Variants in SLC2A12 observed in about 807,000 individuals in gnomAD.
SLC2A12 encodes the protein solute carrier family 2 member 12, also known as solute carrier family 2, facilitated glucose transporter member 12.
In SLC2A12, 23 loss-of-function variants were observed where a neutral mutation model predicts 41.8. That is an observed-to-expected ratio of 0.55 (90% confidence interval 0.40 to 0.78). The LOEUF (loss-of-function observed/expected upper bound fraction) is 0.78. Ranked by LOEUF, SLC2A12 falls within the 30% of genes least tolerant of loss-of-function variation. The probability of loss-of-function intolerance (pLI) is 0.00; values close to 1 mark genes in which losing one functional copy is unlikely to be tolerated. For synonymous variants in SLC2A12, 295 were observed against 285.9 expected (o/e 1.03, Z -0.32); for missense variants, 654 against 745.6 (o/e 0.88, Z 1.43).
At chr6:134,040,723 A>G (rs1206826567) in intron 1 of SLC2A12, among the ~76,000 whole-genome samples, 2 of 152,242 alleles carry the variant, frequency 1.3e-5, no homozygotes, top group African/African-American at 4.8e-5. Context: ...ATCAGGAGGA[A>G]AACTTTCAAG....
intron 1 of SLC2A12, among the ~76,000 whole-genome samples, chr6:134,044,327 T>C (rs1395123408): frequency 2.0e-5 from 3 of 152,224 alleles, no homozygotes; most frequent in Non-Finnish European, 4.4e-5. Context: ...TGGCATCATA[T>C]CTGATTCCTA....
At chr6:134,013,635 G>A (rs1263847544) in intron 2 of SLC2A12, among the ~76,000 whole-genome samples, 2 of 151,958 alleles carry the variant, frequency 1.3e-5, no homozygotes, top group Non-Finnish European at 2.9e-5. Context: ...AATATGGGGA[G>A]TTGAAAAAAT....
chr6:134,031,740 A>C (rs1003640540), intron 1 of SLC2A12, among the ~76,000 whole-genome samples: 1 of 152,236 alleles, frequency 6.6e-6, no homozygotes, highest in Non-Finnish European at 1.5e-5. Context: ...TCTGTAAGAC[A>C]TTCAGGTAAA....
intron 2 of SLC2A12, among the ~76,000 whole-genome samples, chr6:134,009,560 C>G (rs1165450800): frequency 6.6e-6 from 1 of 152,072 alleles, no homozygotes; most frequent in East Asian, 1.9e-4. Context: ...GAATATTGAG[C>G]CTGTAATCCC....
At position 134,044,381 on chromosome 6, in the gene SLC2A12, C is replaced by T. The variant is rs374947433; in HGVS notation, c.103+7997G>A. The stretch of plus-strand genomic sequence containing the variant: ...CTGAATGGTTATCTTGCAGTTAGTT[C>T]GATTTTTATTTTTTTGATAAGTTGG... On this transcript the variant is annotated intron_variant, in intron 1 of 4. Coordinates refer to ENST00000275230, the MANE Select transcript of SLC2A12 (RefSeq NM_145176.3). 9.9e-5 allele frequency among the ~76,000 whole-genome samples: 15 copies of T among 152,156 alleles called. No individual in the cohort carries two copies. In the South Asian group the frequency reaches 1.5e-3, roughly 15 times the overall value.
chr6:134,006,857 A>C lies in SLC2A12; in HGVS notation c.1522T>G (p.Trp508Gly), dbSNP rs1776822491. ...AGCGAGATGAGGAGATTGATGCCCCAGTTCATGCTAGAAGTTAAAGCCATG... is the reference window on the plus strand; with the variant it reads ...AGCGAGATGAGGAGATTGATGCCCCCGTTCATGCTAGAAGTTAAAGCCATG... ...RAMALTSSMN[W>G]GINLLISLTF... The change falls in exon 3 of 5, where the codon TGG (tryptophan) becomes GGG (glycine). Residue 508 changes from tryptophan (W) to glycine (G), a missense_variant. Around this residue, in one of 3 missense-constraint regions of SLC2A12, gnomAD observed 134 missense variants for 180.5 expected, o/e 0.74. Coordinates refer to ENST00000275230, the MANE Select transcript of SLC2A12 (RefSeq NM_145176.3). The C allele has an allele frequency of 6.2e-7, 1 of 1,614,090 alleles. No homozygotes were observed. The highest frequency in any genetic ancestry group is 8.5e-7 in the Non-Finnish European group (1 of 1,180,034).
chr6:134,052,063 T>G lies in SLC2A12; in HGVS notation c.103+315A>C, dbSNP rs543982892. 2.6e-5 allele frequency among the ~76,000 whole-genome samples: 4 copies of G among 152,256 alleles called. No homozygotes were observed. The East Asian group carries it at 7.7e-4, about 29-fold the overall frequency. ...ATATGAAAAACATCCATACATTGTA[T>G]TATGTAAACACAATCAAGGGGACCC... On this transcript the variant is annotated intron_variant, in intron 1 of 4. Transcript: ENST00000275230.
intron 1 of SLC2A12, among the ~76,000 whole-genome samples, chr6:134,050,201 A>G (rs1435364076): frequency 6.6e-6 from 1 of 152,230 alleles, no homozygotes; most frequent in Non-Finnish European, 1.5e-5. Context: ...ATTCATTTAT[A>G]CATATGTATG....
At chr6:134,038,724 T>A (rs1388786719) in intron 1 of SLC2A12, among the ~76,000 whole-genome samples, 1 of 142,424 alleles carries the variant, frequency 7.0e-6, no homozygotes, top group Non-Finnish European at 1.5e-5. Context: ...TTTTTTTTTT[T>A]TTACAAATTC....
intron 4 of SLC2A12, among the ~76,000 whole-genome samples, chr6:133,997,314 A>G (rs1776708717): frequency 6.6e-6 from 1 of 152,160 alleles, no homozygotes; most frequent in African/African-American, 2.4e-5. Flanking sequence ...GTATATACCC[A>G]AAGGAAAATG....
At position 134,029,341 on chromosome 6, in the gene SLC2A12, G is replaced by A. The variant is rs1582617395; in HGVS notation, c.484C>T (p.His162Tyr). ...CVYIAEIAPQ[H>Y]RRGLLVSLNE... The stretch of plus-strand genomic sequence containing the variant: ...AGTGACACAAGAAGGCCTCTTCTGT[G>A]TTGAGGAGCAATCTCTGCGATGTAA... The change falls in exon 2 of 5, where the codon CAC (histidine) becomes TAC (tyrosine). Residue 162 changes from histidine (H) to tyrosine (Y), a missense_variant. Transcript: ENST00000275230. 1 of 1,614,212 alleles carries A rather than the reference G, an allele frequency of 6.2e-7. No homozygotes were observed. Among genetic ancestry groups the A allele is most frequent in the Non-Finnish European group, 8.5e-7 (1 of 1,180,046 alleles).
chr6:134,022,537 AG>A (rs1407476497), intron 2 of SLC2A12, among the ~76,000 whole-genome samples: 3 of 9,126 alleles, frequency 3.3e-4, no homozygotes, highest in East Asian at 2.3e-3. Flanking sequence ...ATCTCAAAAA[AG>A]AAAAGAAAAG....
intron 1 of SLC2A12, among the ~76,000 whole-genome samples, chr6:134,040,823 A>G (rs1255431605): frequency 6.6e-6 from 1 of 152,230 alleles, no homozygotes; most frequent in East Asian, 1.9e-4. Flanking sequence ...TGACAAGTGC[A>G]TGTCTGAATC....
rs1445473431 is a variant in SLC2A12, at chr6:133,989,045, G to A, written c.*2110C>T. On this transcript the variant is annotated 3_prime_UTR_variant, in exon 5 of 5. Transcript: ENST00000275230. The stretch of plus-strand genomic sequence containing the variant: ...GAAGTGCTTTATCTGAAGGGAGAGG[G>A]TAAAGACAGTGTGACCAGGTTTGTT... 2 of 152,116 alleles carry A rather than the reference G, an allele frequency of 1.3e-5. No homozygotes were observed. Among genetic ancestry groups the A allele is most frequent in the Non-Finnish European group, 2.9e-5 (2 of 68,024 alleles). The allele number at this position is 152,116 out of a possible 1,614,324, so 9.4% of individuals were successfully genotyped here.
intron 4 of SLC2A12, among the ~76,000 whole-genome samples, chr6:134,001,168 G>C (rs573584879): frequency 9.9e-5 from 15 of 152,006 alleles, no homozygotes; most frequent in Non-Finnish European, 1.9e-4. Context: ...GGAAGCATTG[G>C]GGGGTGGTGG....
chr6:134,040,063 T>TG (rs200967481), intron 1 of SLC2A12, among the ~76,000 whole-genome samples: 7,226 of 149,362 alleles, frequency 0.048, 427 homozygotes, highest in African/African-American at 0.14. Context: ...TTTTTGTTTT[T>TG]TTTTTTTTGT....
chr6:134,028,393 C>G lies in SLC2A12; in HGVS notation c.1432G>C (p.Gly478Arg). 1 of 1,611,826 alleles carries G rather than the reference C, an allele frequency of 6.2e-7. No individual in the cohort carries two copies. The highest frequency in any genetic ancestry group is 8.5e-7 in the Non-Finnish European group (1 of 1,178,992). ...ATAAAGTACTTACTTGGTCCTAGACCAATTGAAAAAGCAGCAACATAAACA... is the reference window on the plus strand; with the variant it reads ...ATAAAGTACTTACTTGGTCCTAGACGAATTGAAAAAGCAGCAACATAAACA... ...LLVYVAAFSI[G>R]LGPMPWLVLS... is the part of the protein sequence containing the mutation. Residue 478 changes from glycine (G) to arginine (R), a missense_variant, in exon 2 of 5, where the codon GGT (glycine) becomes CGT (arginine). This residue lies in a region of SLC2A12 where 134 missense variants were observed against 180.5 expected (regional missense o/e 0.74). Transcript: ENST00000275230.
Position 134,001,029 on chromosome 6 carries a change from T to G in SLC2A12, c.1700+968A>C, listed in dbSNP as rs144717784. 2.7e-3 allele frequency among the ~76,000 whole-genome samples: 412 copies of G among 152,180 alleles called. 1 individual carries two copies. Among genetic ancestry groups the G allele is most frequent in the Admixed American group, 0.016 (249 of 15,292 alleles). ...CAGTGTGAACATGGTATATCTACAC[T>G]TCCGGGACCCACCCCAAACCCCAAA... is the stretch of plus-strand genomic sequence containing the variant. On this transcript the variant is annotated intron_variant, in intron 4 of 4. Coordinates refer to ENST00000275230, the MANE Select transcript of SLC2A12 (RefSeq NM_145176.3).
At chr6:134,023,942 A>T (rs1480041915) in intron 2 of SLC2A12, among the ~76,000 whole-genome samples, 1 of 152,174 alleles carries the variant, frequency 6.6e-6, no homozygotes, top group Non-Finnish European at 1.5e-5. Context: ...TCCCCTGGGT[A>T]GCTCTGGATT....
Sources: gnomAD v4.1 joint callset for allele counts (sites outside exome capture counted in the v4.1 genomes callset) on GRCh38, gnomAD v4.1.1 for gene constraint, gnomAD v4.1.1 regional missense constraint, MANE v1.5 for transcripts, NCBI Gene and HGNC (gene_info 2026-07-23, HGNC 2026-07-21) for gene names.